The following TUSC3 variants were observed in gnomAD, a reference collection of about 807,000 sequenced individuals.
TUSC3 encodes the protein tumor suppressor candidate 3.
A neutral mutation model predicts 44.8 loss-of-function variants in TUSC3; 45 were observed. The observed-to-expected ratio is 1.00, with a 90% confidence interval of 0.79 to 1.29. The LOEUF (loss-of-function observed/expected upper bound fraction) is 1.29. Ranked by LOEUF, TUSC3 falls within the 50% of genes most tolerant of loss-of-function variation. The pLI, the probability that TUSC3 is intolerant of heterozygous loss-of-function variation, is 0.00. For missense variants in TUSC3, 519 were observed against 437.9 expected (o/e 1.19, Z -1.65); for synonymous variants, 212 against 152.9 (o/e 1.39, Z -2.85).
At chr8:15,730,558 T>G (rs950499330) in intron 6 of TUSC3, 108 bp from the exon 7 acceptor site, 4 of 1,052,958 alleles carry the variant, frequency 3.8e-6, no homozygotes, top group Non-Finnish European at 5.6e-6. Flanking sequence ...AATAAAAAAT[T>G]AGTAAAAATC....
intron 1 of TUSC3, among the ~76,000 whole-genome samples, chr8:15,427,821 T>C (rs1799823495): frequency 6.6e-6 from 1 of 152,120 alleles, no homozygotes; most frequent in Non-Finnish European, 1.5e-5. Context: ...CAAAAAATCT[T>C]TGACAACACC....
intron 9 of TUSC3, among the ~76,000 whole-genome samples, chr8:15,757,320 T>C (rs1585309878): frequency 1.3e-5 from 2 of 152,240 alleles, no homozygotes; most frequent in African/African-American, 2.4e-5. Context: ...TGGAATGATA[T>C]TCAGTAAGGA....
intron 6 of TUSC3, among the ~76,000 whole-genome samples, chr8:15,674,544 T>C (rs1422005129): frequency 6.6e-6 from 1 of 152,036 alleles, no homozygotes; most frequent in African/African-American, 2.4e-5. Flanking sequence ...GCATGGCTTC[T>C]TGTACCCATC....
chr8:15,509,143 GT>G (rs1455773751), intron 2 of TUSC3, among the ~76,000 whole-genome samples: 1 of 152,208 alleles, frequency 6.6e-6, no homozygotes, highest in African/African-American at 2.4e-5. Flanking sequence ...TAAGGATGCA[GT>G]CTTTTGCTCT....
chr8:15,667,513 T>C (rs1424266367), intron 5 of TUSC3, among the ~76,000 whole-genome samples: 1 of 151,726 alleles, frequency 6.6e-6, no homozygotes, highest in African/African-American at 2.4e-5. Context: ...TGAAAACATT[T>C]TTATATTTTA....
At chr8:15,550,444 A>G (rs1376174442) in intron 1 of TUSC3, among the ~76,000 whole-genome samples, 2 of 151,724 alleles carry the variant, frequency 1.3e-5, no homozygotes, top group Non-Finnish European at 2.9e-5. Context: ...AGAGCAGGAA[A>G]GTCAGGTTTC....
intron 6 of TUSC3, among the ~76,000 whole-genome samples, chr8:15,703,580 C>T (rs540060906): frequency 3.3e-5 from 5 of 152,190 alleles, no homozygotes; most frequent in African/African-American, 7.2e-5. Context: ...ATTCTGCAGG[C>T]AGTACAAGAA....
chr8:15,790,281 G>A, the TUSC3 span, among the ~76,000 whole-genome samples: 2 of 146,038 alleles, frequency 1.4e-5, no homozygotes, highest in African/African-American at 5.2e-5. Flanking sequence ...CGCCTCCCAG[G>A]TTCAAGCGAT....
chr8:15,466,713 C>A (rs1800419263), intron 1 of TUSC3, among the ~76,000 whole-genome samples: 1 of 151,964 alleles, frequency 6.6e-6, no homozygotes. Flanking sequence ...TTCTTTAATT[C>A]CTGTTTTTGT....
At chr8:15,440,867 C>T (rs935490353) in intron 1 of TUSC3, among the ~76,000 whole-genome samples, 3 of 152,092 alleles carry the variant, frequency 2.0e-5, no homozygotes, top group Admixed American at 1.3e-4. Flanking sequence ...GCAACTGCCT[C>T]CCCAGATAGA....
In TUSC3 at chr8:15,648,074, C is replaced by T. The variant is rs373972466; in HGVS notation, c.309-2623C>T. Reference sequence around the variant, plus strand: ...GTATTGTTTACAGAAATACCATTTTCTCTGTTTCACCTCTCCTCTATTTCT... The same window carrying T: ...GTATTGTTTACAGAAATACCATTTTTTCTGTTTCACCTCTCCTCTATTTCT... On this transcript the variant is annotated intron_variant, in intron 2 of 10. Transcript: ENST00000503731. Among the ~76,000 whole-genome samples, 26 of 152,246 alleles carry T rather than the reference C, an allele frequency of 1.7e-4. No individual in the cohort carries two copies. In the East Asian group the frequency reaches 3.9e-3, roughly 23 times the overall value.
chr8:15,592,043 T>A (rs1239566493), intron 1 of TUSC3, among the ~76,000 whole-genome samples: 3 of 152,162 alleles, frequency 2.0e-5, no homozygotes, highest in Non-Finnish European at 4.4e-5. Flanking sequence ...ACTAGGCAGC[T>A]AATAGTGTAG....
intron 1 of TUSC3, among the ~76,000 whole-genome samples, chr8:15,546,943 C>T (rs10087425): frequency 0.012 from 1,874 of 151,590 alleles, 47 homozygotes; most frequent in African/African-American, 0.042. Context: ...GGCACAAGGT[C>T]AACAGTAAGT....
At chr8:15,493,477 G>A (rs773110169) in intron 2 of TUSC3, among the ~76,000 whole-genome samples, 9 of 152,004 alleles carry the variant, frequency 5.9e-5, no homozygotes, top group African/African-American at 9.7e-5. Context: ...TGCCCAAGCC[G>A]GTCTCGAACT....
At chr8:15,733,061 C>T (rs1228746453) in intron 7 of TUSC3, among the ~76,000 whole-genome samples, 5 of 152,046 alleles carry the variant, frequency 3.3e-5, no homozygotes, top group Non-Finnish European at 7.4e-5. Flanking sequence ...TTGTATTTTT[C>T]AACAAATGCT....
At chr8:15,585,514 G>T (rs2129148453) in intron 1 of TUSC3, among the ~76,000 whole-genome samples, 1 of 152,240 alleles carries the variant, frequency 6.6e-6, no homozygotes, top group Non-Finnish European at 1.5e-5. Context: ...TTTTACAGTT[G>T]AATGCAAAGG....
At chr8:15,806,516 G>A in the TUSC3 span, 1 of 1,223,280 alleles carries the variant, frequency 8.2e-7, no homozygotes, top group Non-Finnish European at 1.2e-6. Flanking sequence ...AGGGTCATCA[G>A]TGACTTCAAG....
At chr8:15,646,431 G>T (rs540233776) in intron 2 of TUSC3, among the ~76,000 whole-genome samples, 1 of 152,116 alleles carries the variant, frequency 6.6e-6, no homozygotes, top group Non-Finnish European at 1.5e-5. Context: ...TCTACAAATT[G>T]GTTATTGGGA....
At chr8:15,443,068 T>C (rs1470498897) in intron 1 of TUSC3, among the ~76,000 whole-genome samples, 1 of 152,210 alleles carries the variant, frequency 6.6e-6, no homozygotes, top group Non-Finnish European at 1.5e-5. Flanking sequence ...TTTTGCTATC[T>C]TCAGAGTTCA....
Sources: allele counts gnomAD v4.1 joint callset (sites outside exome capture counted in the v4.1 genomes callset), GRCh38; gene constraint gnomAD v4.1.1; transcripts MANE v1.5; gene names NCBI Gene and HGNC (gene_info 2026-07-23, HGNC 2026-07-21).